PKHD1: variants seen among roughly 807,000 people sequenced by gnomAD.
PKHD1 encodes PKHD1 ciliary IPT domain containing fibrocystin/polyductin, also known as fibrocystin.
Under a neutral mutation model 412.0 loss-of-function variants are expected in PKHD1, and 291 were observed. The ratio of observed to expected loss-of-function variants is 0.71; its 90% CI spans 0.64 to 0.78. The LOEUF (loss-of-function observed/expected upper bound fraction) is 0.78, where lower values mean the gene tolerates loss of function less well. Among genes scored for constraint, PKHD1 ranks in the 30% least tolerant of loss-of-function variants. The pLI is 0.00. For missense variants in PKHD1, 4,825 were observed against 4,950.7 expected (o/e 0.97, Z 0.76); for synonymous variants, 1,777 against 1,821.5 (o/e 0.98, Z 0.62).
intron 52 of PKHD1, among the ~76,000 whole-genome samples, chr6:51,816,166 AAAT>A (rs1765430169): frequency 6.6e-6 from 1 of 152,230 alleles, no homozygotes; most frequent in South Asian, 2.1e-4. Flanking sequence ...CTAATGTAAT[AAAT>A]ATTATCTACA....
intron 43 of PKHD1, among the ~76,000 whole-genome samples, chr6:51,898,069 A>T (rs2127596219): frequency 6.7e-6 from 1 of 149,968 alleles, no homozygotes; most frequent in African/African-American, 2.4e-5. Flanking sequence ...ATAATGGGAG[A>T]CTTTAACACC....
intron 50 of PKHD1, among the ~76,000 whole-genome samples, chr6:51,837,230 T>C (rs1769385614): frequency 6.6e-6 from 1 of 152,194 alleles, no homozygotes; most frequent in Non-Finnish European, 1.5e-5. Flanking sequence ...TATTGGTTAA[T>C]TACCTTTCTG....
At chr6:51,875,055 C>T (rs1303422957) in intron 46 of PKHD1, among the ~76,000 whole-genome samples, 3 of 34,730 alleles carry the variant, frequency 8.6e-5, no homozygotes, top group Non-Finnish European at 1.5e-4. Context: ...CTTTTCAGAC[C>T]GGCTTAAGAA....
At chr6:51,963,402 T>A (rs540411524) in intron 35 of PKHD1, among the ~76,000 whole-genome samples, 1 of 152,264 alleles carries the variant, frequency 6.6e-6, no homozygotes, top group African/African-American at 2.4e-5. Context: ...CAAAGATATC[T>A]TGAGATGTAT....
intron 64 of PKHD1, among the ~76,000 whole-genome samples, chr6:51,633,317 T>A (rs1768149051): frequency 1.3e-5 from 2 of 152,142 alleles, no homozygotes; most frequent in South Asian, 2.1e-4. Context: ...CTCCCATTTA[T>A]GGAGACAGAA....
Position 52,027,810 on chromosome 6 carries a change from T to C in PKHD1, c.3628+19A>G, listed in dbSNP as rs752768639. On this transcript the variant is annotated intron_variant, in intron 31 of 66. Transcript: ENST00000371117. Reference sequence around the variant, plus strand: ...AGAATTGCTGGATAATTGATAACAGTCACATAAGAGCCACTCACCCAGCAG... The same window carrying C: ...AGAATTGCTGGATAATTGATAACAGCCACATAAGAGCCACTCACCCAGCAG... The C allele has an allele frequency of 3.8e-6, 6 of 1,565,136 alleles. No individual in the cohort carries two copies. The South Asian group carries it at 5.6e-5, about 14-fold the overall frequency.
chr6:51,789,022 C>T (rs780611823), intron 53 of PKHD1, among the ~76,000 whole-genome samples: 1 of 152,164 alleles, frequency 6.6e-6, no homozygotes, highest in Non-Finnish European at 1.5e-5. Flanking sequence ...ATTCTGTTAA[C>T]TGCTATACTC....
At chr6:51,630,601 T>C (rs1417723919) in intron 65 of PKHD1, among the ~76,000 whole-genome samples, 1 of 152,140 alleles carries the variant, frequency 6.6e-6, no homozygotes, top group Non-Finnish European at 1.5e-5. Context: ...TTCTCAACAA[T>C]TATTGAAAGC....
chr6:52,019,820 GCAA>G (rs1307756029), intron 33 of PKHD1, among the ~76,000 whole-genome samples: 2 of 152,146 alleles, frequency 1.3e-5, no homozygotes, highest in African/African-American at 4.8e-5. Flanking sequence ...GGATGTTTTG[GCAA>G]CTCATTACAA....
chr6:51,705,925 C>T lies in PKHD1; in HGVS notation c.10156+38460G>A, dbSNP rs1214349162. On this transcript the variant is annotated intron_variant, in intron 60 of 66. Transcript: ENST00000371117. Reference sequence around the variant, plus strand: ...GTCTTATATACAGACAGGCATTATACACAGAGTATCAATTTTTAGAATACA... The same window carrying T: ...GTCTTATATACAGACAGGCATTATATACAGAGTATCAATTTTTAGAATACA... Among the ~76,000 whole-genome samples the T allele has an allele frequency of 9.9e-5, 15 of 152,156 alleles. 1 individual carries two copies. The highest frequency in any genetic ancestry group is 8.5e-4 in the Admixed American group (13 of 15,258).
At chr6:51,986,536 G>A (rs1326125068) in intron 35 of PKHD1, among the ~76,000 whole-genome samples, 1 of 152,122 alleles carries the variant, frequency 6.6e-6, no homozygotes, top group Non-Finnish European at 1.5e-5. Flanking sequence ...GCACCACCTG[G>A]GATAGAGTTA....
intron 18 of PKHD1, among the ~76,000 whole-genome samples, chr6:52,056,072 C>T (rs1238364873): frequency 6.6e-6 from 1 of 152,152 alleles, no homozygotes; most frequent in East Asian, 1.9e-4. Flanking sequence ...GCCCCTCAGC[C>T]CTGGGAGGAA....
chr6:51,983,933 G>C (rs1281508838), intron 35 of PKHD1, among the ~76,000 whole-genome samples: 1 of 152,210 alleles, frequency 6.6e-6, no homozygotes, highest in Non-Finnish European at 1.5e-5. Flanking sequence ...ATGTCTGTTT[G>C]GTTTTAGGGT....
At chr6:51,719,823 C>T (rs1263237487) in intron 60 of PKHD1, among the ~76,000 whole-genome samples, 1 of 152,156 alleles carries the variant, frequency 6.6e-6, no homozygotes, top group Non-Finnish European at 1.5e-5. Flanking sequence ...TCTTCAAAAA[C>T]AGGATCATTC....
Position 52,079,916 on chromosome 6 carries a change from T to G in PKHD1, c.374A>C (p.Asp125Ala), listed in dbSNP as rs778781571. The G allele has an allele frequency of 1.9e-6, 3 of 1,592,908 alleles. No individual in the cohort carries two copies. Among genetic ancestry groups the G allele is most frequent in the South Asian group, 2.2e-5 (2 of 90,666 alleles). The change falls in exon 5 of 67, where the codon GAT (aspartate) becomes GCT (alanine). Residue 125 changes from aspartate (D) to alanine (A), a missense_variant. Transcript: ENST00000371117. ...AGAACCCACCTTGAAAGTACAGCTA[T>G]CTCGTGGTCCTGGATTTGGACTGCT... ...LVSSPNPGPR[D>A]SCTFKFSKAQ...
chr6:51,801,255 A>G (rs1473214683), intron 52 of PKHD1, among the ~76,000 whole-genome samples: 1 of 152,194 alleles, frequency 6.6e-6, no homozygotes, highest in Non-Finnish European at 1.5e-5. Context: ...AATAGAATGG[A>G]AACTCTTATA....
At chr6:51,661,831 T>C (rs1351628153) in intron 60 of PKHD1, among the ~76,000 whole-genome samples, 1 of 152,026 alleles carries the variant, frequency 6.6e-6, no homozygotes, top group African/African-American at 2.4e-5. Flanking sequence ...TTCATAAAAG[T>C]AGCTTAAGAA....
chr6:51,853,110 G>T (rs564345030), intron 49 of PKHD1, among the ~76,000 whole-genome samples: 1 of 152,052 alleles, frequency 6.6e-6, no homozygotes, highest in Non-Finnish European at 1.5e-5. Context: ...TGGTGGTAAC[G>T]AAATCCCTCA....
At position 51,796,071 on chromosome 6, in the gene PKHD1, C is replaced by T. The variant is rs185776385; in HGVS notation, c.8303-4698G>A. The stretch of plus-strand genomic sequence containing the variant: ...TCCTTTTTAATTCTTGGAATAGTTT[C>T]AGTAGGAATAGTACCAGCTCTTCCT... On this transcript the variant is annotated intron_variant, in intron 52 of 66. Transcript: ENST00000371117. Among the ~76,000 whole-genome samples, 316 of 152,290 alleles carry T rather than the reference C, an allele frequency of 2.1e-3. 1 individual carries two copies. Among genetic ancestry groups the T allele is most frequent in the African/African-American group, 7.3e-3 (303 of 41,572 alleles).
Sources: allele counts gnomAD v4.1 joint callset (sites outside exome capture counted in the v4.1 genomes callset), GRCh38; gene constraint gnomAD v4.1.1; transcripts MANE v1.5; gene names NCBI Gene and HGNC (gene_info 2026-07-23, HGNC 2026-07-21).